STX8: variants seen among roughly 807,000 people sequenced by gnomAD.
STX8 encodes syntaxin 8.
Under a neutral mutation model 37.5 loss-of-function variants are expected in STX8, and 23 were observed. That is an observed-to-expected ratio of 0.61 (90% confidence interval 0.44 to 0.87). The LOEUF is 0.87. Ranked by LOEUF, STX8 falls within the 40% of genes least tolerant of loss-of-function variation. The pLI, the probability that STX8 is intolerant of heterozygous loss-of-function variation, is 0.00. For synonymous variants in STX8, 115 were observed against 99.1 expected (o/e 1.16, Z -0.95); for missense variants, 313 against 284.7 (o/e 1.10, Z -0.71).
At chr17:9,448,057 C>T (rs1904913349) in intron 6 of STX8, among the ~76,000 whole-genome samples, 1 of 151,760 alleles carries the variant, frequency 6.6e-6, no homozygotes, top group South Asian at 2.1e-4. Context: ...CGCCTGTAGT[C>T]CCAGCTACTT....
At chr17:9,433,144 A>G (rs1043018516) in intron 6 of STX8, among the ~76,000 whole-genome samples, 16 of 152,210 alleles carry the variant, frequency 1.1e-4, no homozygotes, top group African/African-American at 3.9e-4. Context: ...CAAAATCACC[A>G]TCGTCATAAT....
intron 6 of STX8, chr17:9,469,703 G>C (rs1905766768): frequency 6.6e-6 from 1 of 152,126 alleles, no homozygotes; most frequent in African/African-American, 2.4e-5. Flanking sequence ...TGGGCTCTTT[G>C]ATTGGCTGAC....
At chr17:9,337,125 A>G (rs1193248377) in intron 7 of STX8, among the ~76,000 whole-genome samples, 1 of 152,234 alleles carries the variant, frequency 6.6e-6, no homozygotes, top group Non-Finnish European at 1.5e-5. Flanking sequence ...ACAAACACAC[A>G]TGAAAAACTA....
At chr17:9,460,076 G>T (rs926256764) in intron 6 of STX8, among the ~76,000 whole-genome samples, 2 of 152,070 alleles carry the variant, frequency 1.3e-5, no homozygotes, top group African/African-American at 4.8e-5. Context: ...CTTCATAAAG[G>T]GCACAACAAG....
chr17:9,347,520 T>G (rs1279879508), intron 7 of STX8, among the ~76,000 whole-genome samples: 1 of 152,196 alleles, frequency 6.6e-6, no homozygotes, highest in Non-Finnish European at 1.5e-5. Context: ...CAGAACTTTC[T>G]TTTTCTTTTT....
intron 7 of STX8, among the ~76,000 whole-genome samples, chr17:9,262,547 T>C (rs1008964746): frequency 1.3e-5 from 2 of 151,566 alleles, no homozygotes; most frequent in Non-Finnish European, 2.9e-5. Context: ...TTTGTTTCTT[T>C]GTTTTTTGGT....
rs1180784168 is a variant in STX8, at chr17:9,568,364, G to A, written c.117+7C>T. On this transcript the variant is annotated splice_region_variant and intron_variant, in intron 2 of 7. Coordinates refer to ENST00000306357, the MANE Select transcript of STX8 (RefSeq NM_004853.3). ...ATCATTGGGTACTAATTCCTTCATG[G>A]TATTACCTTTGGTGCCTTTTCACCT... 1.2e-6 allele frequency: 2 copies of A among 1,603,804 alleles called. No homozygotes were observed. The highest frequency in any genetic ancestry group is 1.7e-6 in the Non-Finnish European group (2 of 1,173,292).
chr17:9,393,639 A>C (rs971347035), intron 6 of STX8, among the ~76,000 whole-genome samples: 3 of 152,238 alleles, frequency 2.0e-5, no homozygotes, highest in African/African-American at 7.2e-5. Context: ...ATTTTTAAGT[A>C]TGTATATTGT....
chr17:9,359,115 T>C (rs1910976863), intron 7 of STX8, among the ~76,000 whole-genome samples: 1 of 151,796 alleles, frequency 6.6e-6, no homozygotes, highest in African/African-American at 2.4e-5. Flanking sequence ...CAATCTTGGC[T>C]CACTGCAACC....
intron 4 of STX8, among the ~76,000 whole-genome samples, chr17:9,516,503 T>C (rs1905165685): frequency 6.6e-6 from 1 of 151,688 alleles, no homozygotes; most frequent in Non-Finnish European, 1.5e-5. Flanking sequence ...CACTTCTCTC[T>C]GGTTTGTTTG....
At chr17:9,561,489 T>C (rs994623455) in intron 2 of STX8, among the ~76,000 whole-genome samples, 2 of 151,948 alleles carry the variant, frequency 1.3e-5, no homozygotes, top group Non-Finnish European at 2.9e-5. Flanking sequence ...TGAAACCTCA[T>C]CTCTACTAAA....
chr17:9,388,829 A>C (rs1454413213), intron 6 of STX8, among the ~76,000 whole-genome samples: 1 of 146,720 alleles, frequency 6.8e-6, no homozygotes, highest in Non-Finnish European at 1.5e-5. Flanking sequence ...AAAAAAAAAA[A>C]CCATACATTT....
chr17:9,369,647 T>G (rs1308897824), intron 7 of STX8, among the ~76,000 whole-genome samples: 2 of 152,050 alleles, frequency 1.3e-5, no homozygotes, highest in Non-Finnish European at 2.9e-5. Context: ...ATCCCAGCAC[T>G]TTGGGAGGCT....
intron 7 of STX8, among the ~76,000 whole-genome samples, chr17:9,333,289 C>G (rs1910020967): frequency 6.6e-6 from 1 of 152,158 alleles, no homozygotes; most frequent in Non-Finnish European, 1.5e-5. Context: ...TCTTTTGTTC[C>G]CATCTTTATG....
intron 4 of STX8, among the ~76,000 whole-genome samples, chr17:9,529,447 C>A (rs1905722370): frequency 6.6e-6 from 1 of 152,104 alleles, no homozygotes; most frequent in African/African-American, 2.4e-5. Flanking sequence ...AACTTACAAA[C>A]AGAAAAATCC....
chr17:9,521,555 C>T (rs1905338998), intron 4 of STX8, among the ~76,000 whole-genome samples: 1 of 152,214 alleles, frequency 6.6e-6, no homozygotes, highest in Admixed American at 6.5e-5. Context: ...CAGTCCAATA[C>T]TCTGTCCTAC....
intron 7 of STX8, among the ~76,000 whole-genome samples, chr17:9,359,798 G>T (rs1051106274): frequency 6.6e-6 from 1 of 151,990 alleles, no homozygotes; most frequent in Non-Finnish European, 1.5e-5. Context: ...GTGAGCCACC[G>T]TGCCTGGACT....
chr17:9,296,200 G>A lies in STX8; in HGVS notation c.644-45555C>T, dbSNP rs771098198. ...GTGAGACTCCGTCTCAAAAAAATTA[G>A]CCAGGCATGGTGGTGCATGCCTGTA... On this transcript the variant is annotated intron_variant, in intron 7 of 7. Transcript: ENST00000306357. Among the ~76,000 whole-genome samples, 14 of 152,020 alleles carry A rather than the reference G, an allele frequency of 9.2e-5. 1 individual carries two copies. Among genetic ancestry groups the A allele is most frequent in the Middle Eastern group, 6.8e-3 (2 of 294 alleles).
At chr17:9,390,021 G>C (rs1912156707) in intron 6 of STX8, among the ~76,000 whole-genome samples, 1 of 152,190 alleles carries the variant, frequency 6.6e-6, no homozygotes, top group Non-Finnish European at 1.5e-5. Context: ...GAGCTGCAAG[G>C]AACTCCCGCA....
Sources: allele counts gnomAD v4.1 joint callset (sites outside exome capture counted in the v4.1 genomes callset), GRCh38; gene constraint gnomAD v4.1.1; transcripts MANE v1.5; gene names NCBI Gene and HGNC (gene_info 2026-07-23, HGNC 2026-07-21).